Variants in CCSER1 observed in about 807,000 individuals in gnomAD.
The protein encoded by CCSER1 is coiled-coil serine rich protein 1.
Under a neutral mutation model 82.0 loss-of-function variants are expected in CCSER1, and 41 were observed. The ratio of observed to expected loss-of-function variants is 0.50; its 90% CI spans 0.39 to 0.65. The LOEUF is 0.65. Among genes scored for constraint, CCSER1 ranks in the 30% least tolerant of loss-of-function variants. The pLI, the probability that CCSER1 is intolerant of heterozygous loss-of-function variation, is 0.00. For synonymous variants in CCSER1, 414 were observed against 383.9 expected (o/e 1.08, Z -0.92); for missense variants, 1,119 against 1,064.2 (o/e 1.05, Z -0.72).
intron 10 of CCSER1, among the ~76,000 whole-genome samples, chr4:91,504,038 A>G (rs890172688): frequency 6.6e-6 from 1 of 152,160 alleles, no homozygotes; most frequent in South Asian, 2.1e-4. Flanking sequence ...TTACTTATCA[A>G]TAGAAATTAA....
chr4:91,090,238 T>C (rs1285918071), intron 10 of CCSER1, among the ~76,000 whole-genome samples: 1 of 152,162 alleles, frequency 6.6e-6, no homozygotes, highest in Non-Finnish European at 1.5e-5. Flanking sequence ...TTATGGGCAG[T>C]AGGAAGAAAG....
chr4:90,740,484 A>C (rs1448690785), intron 7 of CCSER1, among the ~76,000 whole-genome samples: 2 of 152,324 alleles, frequency 1.3e-5, no homozygotes, highest in East Asian at 3.9e-4. Flanking sequence ...AATATCTCTT[A>C]GACATAGTAG....
intron 10 of CCSER1, among the ~76,000 whole-genome samples, chr4:91,447,885 A>AT (rs1307887804): frequency 6.6e-6 from 1 of 151,920 alleles, no homozygotes; most frequent in Non-Finnish European, 1.5e-5. Flanking sequence ...TGTGTCTTTA[A>AT]TTTTTTCTCC....
intron 8 of CCSER1, among the ~76,000 whole-genome samples, chr4:90,893,456 T>A (rs1430369035): frequency 6.6e-6 from 1 of 151,984 alleles, no homozygotes; most frequent in East Asian, 1.9e-4. Context: ...AACTGTAGTT[T>A]GAGGAAAAGA....
At chr4:91,513,969 G>A (rs776631452) in intron 10 of CCSER1, among the ~76,000 whole-genome samples, 2 of 151,848 alleles carry the variant, frequency 1.3e-5, no homozygotes, top group Non-Finnish European at 1.5e-5. Flanking sequence ...ATTCTGCTCT[G>A]ATTTCAGTTA....
intron 6 of CCSER1, among the ~76,000 whole-genome samples, chr4:90,701,956 A>G (rs912925313): frequency 1.2e-4 from 19 of 152,128 alleles, no homozygotes; most frequent in Middle Eastern, 3.2e-3. Flanking sequence ...CTAATTGAAT[A>G]TGCTTTATTT....
intron 5 of CCSER1, among the ~76,000 whole-genome samples, chr4:90,533,841 CATTCATTT>C (rs1172365371): frequency 6.6e-6 from 1 of 152,158 alleles, no homozygotes; most frequent in East Asian, 1.9e-4. Context: ...TCAAAAATGA[CATTCATTT>C]ATTGAGTATC....
At chr4:91,006,659 T>A (rs987714672) in intron 9 of CCSER1, among the ~76,000 whole-genome samples, 2 of 151,916 alleles carry the variant, frequency 1.3e-5, no homozygotes, top group Non-Finnish European at 2.9e-5. Flanking sequence ...CCGGCTAATT[T>A]TTTTTGTATT....
chr4:91,565,800 T>A (rs1762861786), intron 10 of CCSER1, among the ~76,000 whole-genome samples: 1 of 152,020 alleles, frequency 6.6e-6, no homozygotes. Flanking sequence ...GCTATTGGGC[T>A]AGGGTTTTCT....
At chr4:90,531,007 T>G (rs1259265366) in intron 5 of CCSER1, among the ~76,000 whole-genome samples, 1 of 152,194 alleles carries the variant, frequency 6.6e-6, no homozygotes, top group Non-Finnish European at 1.5e-5. Context: ...AAAACAGATT[T>G]GTTGAGTTCA....
intron 10 of CCSER1, among the ~76,000 whole-genome samples, chr4:91,272,071 G>A (rs1320354441): frequency 3.9e-5 from 6 of 152,260 alleles, no homozygotes; most frequent in South Asian, 2.1e-4. Context: ...TGCTATAAAC[G>A]TGTGTACAAG....
intron 10 of CCSER1, among the ~76,000 whole-genome samples, chr4:91,436,412 A>C (rs1286303488): frequency 1.3e-5 from 2 of 152,236 alleles, no homozygotes; most frequent in African/African-American, 4.8e-5. Context: ...AAACACCAAG[A>C]TCAAGTAAAT....
At chr4:91,395,115 A>G (rs529987398) in intron 10 of CCSER1, among the ~76,000 whole-genome samples, 52 of 152,140 alleles carry the variant, frequency 3.4e-4, no homozygotes, top group African/African-American at 1.2e-3. Flanking sequence ...ATTTTGGTCA[A>G]ATTATTCAAC....
intron 9 of CCSER1, among the ~76,000 whole-genome samples, chr4:90,927,885 C>G (rs1030225054): frequency 6.6e-6 from 1 of 151,906 alleles, no homozygotes; most frequent in African/African-American, 2.4e-5. Context: ...GTTTTTTGTG[C>G]TTGTGCTAAT....
intron 10 of CCSER1, among the ~76,000 whole-genome samples, chr4:91,333,305 A>G (rs1747087135): frequency 6.6e-6 from 1 of 152,054 alleles, no homozygotes; most frequent in Non-Finnish European, 1.5e-5. Context: ...ACTGAAATGT[A>G]AGTTGCTTCT....
intron 10 of CCSER1, among the ~76,000 whole-genome samples, chr4:91,528,213 GC>G (rs1578704562): frequency 6.6e-6 from 1 of 150,952 alleles, no homozygotes; most frequent in African/African-American, 2.4e-5. Flanking sequence ...GAGCCACTGC[GC>G]CCAGCCCAAG....
chr4:90,518,431 TAAC>T (rs1478848050), intron 5 of CCSER1, among the ~76,000 whole-genome samples: 4 of 152,076 alleles, frequency 2.6e-5, no homozygotes, highest in Non-Finnish European at 5.9e-5. Context: ...ACTAGGATAT[TAAC>T]AATAGAGTTT....
intron 1 of CCSER1, among the ~76,000 whole-genome samples, chr4:90,232,615 T>C (rs1454107131): frequency 7.3e-6 from 1 of 137,052 alleles, no homozygotes. Flanking sequence ...AAGCCAAAAT[T>C]GACAAATGGG....
At chr4:91,170,063 A>T (rs1213324243) in intron 10 of CCSER1, among the ~76,000 whole-genome samples, 1 of 152,184 alleles carries the variant, frequency 6.6e-6, no homozygotes, top group Non-Finnish European at 1.5e-5. Flanking sequence ...CTGCTTCTGT[A>T]GGAAGCAGAC....
Sources: allele counts gnomAD v4.1 joint callset (sites outside exome capture counted in the v4.1 genomes callset), GRCh38; gene constraint gnomAD v4.1.1; transcripts MANE v1.5; gene names NCBI Gene and HGNC (gene_info 2026-07-23, HGNC 2026-07-21).